NBDY: variants seen among roughly 807,000 people sequenced by gnomAD.
The protein encoded by NBDY is P-body dissociating protein.
chrX:56,791,876 C>CCTT (rs946251505), intron 2 of NBDY, among the ~76,000 whole-genome samples: 3 of 109,895 alleles, frequency 2.7e-5, no homozygotes, highest in Non-Finnish European at 5.7e-5. Flanking sequence ...TCCTCCTCCT[C>CCTT]CTTCTTCTTC....
chrX:56,798,587 T>G (rs1415784947), intron 2 of NBDY, among the ~76,000 whole-genome samples: 1 of 112,115 alleles, frequency 8.9e-6, no homozygotes, highest in East Asian at 2.8e-4. Context: ...AGTCCTGCAG[T>G]AAAACCTTGT....
chrX:56,807,442 C>T (rs934498925), intron 2 of NBDY, among the ~76,000 whole-genome samples: 2 of 111,715 alleles, frequency 1.8e-5, no homozygotes, highest in African/African-American at 6.5e-5. Flanking sequence ...TCTTCCCATC[C>T]ATGAGCATGG....
rs1384351768 is a variant in NBDY at position 56,818,566 on chromosome X, C to T, written c.*1413C>T. 1.8e-5 allele frequency: 2 copies of T among 112,037 alleles called. No individual in the cohort carries two copies. The highest frequency in any genetic ancestry group is 3.8e-5 in the Non-Finnish European group (2 of 53,210). 9.2% of individuals were successfully genotyped at this position (112,037 alleles called of 1,213,427 possible). On this transcript the variant is annotated 3_prime_UTR_variant, in exon 3 of 3. Coordinates refer to ENST00000374922, the MANE Select transcript of NBDY (RefSeq NM_001348129.2). ...CTTTAAAAGGACATCTGGTGAAAGGCATTTTATGCATCAGAAGGCACAGTA... is the reference window on the plus strand; with the variant it reads ...CTTTAAAAGGACATCTGGTGAAAGGTATTTTATGCATCAGAAGGCACAGTA...
In NBDY at chrX:56,757,066, A is replaced by T. The variant is rs763994285; in HGVS notation, c.*166+24867A>T. On this transcript the variant is annotated intron_variant, in intron 2 of 2. Coordinates refer to ENST00000374922, the MANE Select transcript of NBDY (RefSeq NM_001348129.2). ...TTAAACTGTAATAACAACGATAAAT[A>T]ATATTGACTGGCTTTTGATAAGTAT... Among the ~76,000 whole-genome samples, 10 of 112,823 alleles carry T rather than the reference A, an allele frequency of 8.9e-5. No individual in the cohort carries two copies. In the South Asian group the frequency reaches 3.7e-3, roughly 41 times the overall value.
intron 2 of NBDY, among the ~76,000 whole-genome samples, chrX:56,803,111 C>T (rs2069832587): frequency 9.0e-6 from 1 of 110,775 alleles, no homozygotes. Context: ...CCCAGGAGCA[C>T]GAAAGAGATG....
chrX:56,765,540 T>TCCGTGCC (rs1334994872), intron 2 of NBDY, among the ~76,000 whole-genome samples: 1 of 111,862 alleles, frequency 8.9e-6, no homozygotes, highest in Non-Finnish European at 1.9e-5. Flanking sequence ...CAGAAGTGGC[T>TCCGTGCC]CCGTGCCCCT....
intron 2 of NBDY, among the ~76,000 whole-genome samples, chrX:56,755,356 C>A (rs1398162325): frequency 5.4e-5 from 6 of 112,053 alleles, no homozygotes; most frequent in Non-Finnish European, 9.4e-5. Context: ...AACAGGCAAC[C>A]TACAAAATGG....
At chrX:56,762,817 A>T in intron 2 of NBDY, among the ~76,000 whole-genome samples, 1 of 111,219 alleles carries the variant, frequency 9.0e-6, no homozygotes, top group Non-Finnish European at 1.9e-5. Context: ...AGATACACAT[A>T]CACACACTCA....
At chrX:56,781,402 G>T (rs1038212205) in intron 2 of NBDY, among the ~76,000 whole-genome samples, 2 of 111,917 alleles carry the variant, frequency 1.8e-5, no homozygotes, top group Admixed American at 1.9e-4. Flanking sequence ...GCAGGGAACA[G>T]GGCAGTCTCC....
chrX:56,734,019 A>G (rs1424263187), intron 2 of NBDY, among the ~76,000 whole-genome samples: 1 of 112,284 alleles, frequency 8.9e-6, no homozygotes, highest in African/African-American at 3.2e-5. Context: ...TGCAGAGTTA[A>G]TGCTTTAAAA....
intron 2 of NBDY, among the ~76,000 whole-genome samples, chrX:56,750,484 G>C (rs944453457): frequency 1.8e-5 from 2 of 110,570 alleles, no homozygotes; most frequent in African/African-American, 6.6e-5. Flanking sequence ...AATATATGCA[G>C]ACGACTTCCA....
At chrX:56,760,735 C>T (rs1016862896) in intron 2 of NBDY, among the ~76,000 whole-genome samples, 13 of 111,774 alleles carry the variant, frequency 1.2e-4, no homozygotes, top group Admixed American at 7.5e-4. Context: ...AGAAACAAAC[C>T]GGCCAAAGAG....
intron 2 of NBDY, among the ~76,000 whole-genome samples, chrX:56,738,237 C>G (rs942906038): frequency 8.9e-6 from 1 of 112,221 alleles, no homozygotes; most frequent in Non-Finnish European, 1.9e-5. Flanking sequence ...CTTAGTTTCT[C>G]TCATTATATT....
chrX:56,767,556 G>C (rs1054294472), intron 2 of NBDY, among the ~76,000 whole-genome samples: 36 of 113,232 alleles, frequency 3.2e-4, no homozygotes, highest in Admixed American at 5.5e-4. Context: ...GTTGCCGGTC[G>C]GCATGAGCTC....
In NBDY at chrX:56,782,450, C is replaced by T. The variant is rs890551079; in HGVS notation, c.*167-34870C>T. ...CTAGGAGACTGCTTCTTCTTTTGCT[C>T]CTTGGTGATTCAGCATGTCTCTCTG... On this transcript the variant is annotated intron_variant, in intron 2 of 2. Transcript: ENST00000374922. 4.5e-5 allele frequency among the ~76,000 whole-genome samples: 5 copies of T among 111,479 alleles called. 1 individual carries two copies. The highest frequency in any genetic ancestry group is 1.6e-4 in the African/African-American group (5 of 30,535).
intron 2 of NBDY, among the ~76,000 whole-genome samples, chrX:56,815,710 A>G: frequency 8.9e-6 from 1 of 112,318 alleles, no homozygotes; most frequent in Middle Eastern, 4.6e-3. Flanking sequence ...TATTTTTAAA[A>G]TATTTAAGTT....
chrX:56,763,371 G>C (rs1484591548), intron 2 of NBDY, among the ~76,000 whole-genome samples: 1 of 111,848 alleles, frequency 8.9e-6, no homozygotes, highest in Non-Finnish European at 1.9e-5. Context: ...AGTCAGACTT[G>C]AGCAAGTTGC....
chrX:56,754,911 A>G (rs1168055413), intron 2 of NBDY, among the ~76,000 whole-genome samples: 5 of 112,212 alleles, frequency 4.5e-5, no homozygotes, highest in African/African-American at 6.5e-5. Context: ...GATTTTTTTG[A>G]AAATATCAAC....
intron 2 of NBDY, among the ~76,000 whole-genome samples, chrX:56,815,774 T>C (rs182688952): frequency 8.9e-6 from 1 of 112,132 alleles, no homozygotes; most frequent in African/African-American, 3.2e-5. Context: ...CGGAGTAATG[T>C]GTATAATACA....
Sources: allele counts gnomAD v4.1 joint callset (sites outside exome capture counted in the v4.1 genomes callset), GRCh38; gene constraint gnomAD v4.1.1; transcripts MANE v1.5; gene names NCBI Gene and HGNC (gene_info 2026-07-23, HGNC 2026-07-21).